The following STARD13 variants were observed in gnomAD, a reference collection of about 807,000 sequenced individuals.
STARD13 encodes the protein StAR related lipid transfer domain containing 13.
In STARD13, 62 loss-of-function variants were observed where a neutral mutation model predicts 106.4. The ratio of observed to expected loss-of-function variants is 0.58; its 90% CI spans 0.48 to 0.72. The LOEUF is 0.72. Ranked by LOEUF, STARD13 falls within the 30% of genes least tolerant of loss-of-function variation. The probability of loss-of-function intolerance (pLI) is 0.00; values close to 1 mark genes in which losing one functional copy is unlikely to be tolerated. For missense variants in STARD13, 1,387 were observed against 1,424.0 expected, an observed-to-expected ratio of 0.97 and a Z score of 0.42; for synonymous variants, 565 against 553.0, an observed-to-expected ratio of 1.02 and a Z score of -0.31.
the STARD13 span, among the ~76,000 whole-genome samples, chr13:33,623,428 T>TAAAAAAAAAAAAAA: frequency 1.7e-5 from 1 of 59,296 alleles, no homozygotes; most frequent in Non-Finnish European, 5.1e-5. Context: ...CTCAATAAAG[T>TAAAAAAAAAAAAAA]AAAAAAAAAA....
the STARD13 span, among the ~76,000 whole-genome samples, chr13:33,404,245 A>T: frequency 6.6e-6 from 1 of 152,228 alleles, no homozygotes; most frequent in African/African-American, 2.4e-5. Flanking sequence ...AGAGGTCAAA[A>T]CAGCAACTGG....
chr13:33,565,189 A>T, the STARD13 span, among the ~76,000 whole-genome samples: 1 of 146,070 alleles, frequency 6.8e-6, no homozygotes, highest in Non-Finnish European at 1.5e-5. Context: ...TTTCATGAAG[A>T]TAGAGAGTGA....
intron 1 of STARD13, chr13:33,180,370 C>G (rs1423850714): frequency 6.6e-6 from 1 of 152,162 alleles, no homozygotes; most frequent in African/African-American, 2.4e-5. Flanking sequence ...CAATCACATG[C>G]CTGATATGCG....
the STARD13 span, among the ~76,000 whole-genome samples, chr13:33,517,663 G>T: frequency 6.6e-6 from 1 of 152,140 alleles, no homozygotes; most frequent in Non-Finnish European, 1.5e-5. Context: ...TGTTTGTCTT[G>T]AAGGAAGTTC....
chr13:33,496,506 T>C, the STARD13 span, among the ~76,000 whole-genome samples: 11 of 151,948 alleles, frequency 7.2e-5, no homozygotes, highest in Non-Finnish European at 1.2e-4. Context: ...CCCTAACTTA[T>C]CATCCCACTT....
chr13:33,337,838 A>C (rs2077914285), intron 1 of STARD13, among the ~76,000 whole-genome samples: 1 of 152,242 alleles, frequency 6.6e-6, no homozygotes, highest in Non-Finnish European at 1.5e-5. Context: ...GGTCCAAGAC[A>C]GAATGAAAAT....
At chr13:33,127,653 A>G in intron 5 of STARD13, 107 bp from the exon 6 acceptor site, 1 of 1,170,142 alleles carries the variant, frequency 8.5e-7, no homozygotes. Flanking sequence ...GCAGCCGAGC[A>G]AAGAAAATCG....
the STARD13 span, among the ~76,000 whole-genome samples, chr13:33,549,721 G>T: frequency 6.6e-6 from 1 of 152,060 alleles, no homozygotes; most frequent in Non-Finnish European, 1.5e-5. Flanking sequence ...CATGACATCT[G>T]TTTCTTCCAT....
intron 1 of STARD13, among the ~76,000 whole-genome samples, chr13:33,214,550 G>A (rs570894559): frequency 2.0e-4 from 31 of 152,204 alleles, no homozygotes; most frequent in South Asian, 4.2e-4. Context: ...GAACATCCGC[G>A]CCGAGTGATA....
chr13:33,667,014 A>G, the STARD13 span, among the ~76,000 whole-genome samples: 1 of 152,232 alleles, frequency 6.6e-6, no homozygotes, highest in African/African-American at 2.4e-5. Flanking sequence ...ACCACAAATA[A>G]CCCAAGAATG....
At chr13:33,256,976 C>G (rs1009260646) in intron 1 of STARD13, among the ~76,000 whole-genome samples, 2 of 152,052 alleles carry the variant, frequency 1.3e-5, no homozygotes, top group East Asian at 3.8e-4. Flanking sequence ...GATACAAAAG[C>G]TACAAAATAA....
the STARD13 span, among the ~76,000 whole-genome samples, chr13:33,442,764 G>A: frequency 6.6e-6 from 1 of 152,104 alleles, no homozygotes; most frequent in Non-Finnish European, 1.5e-5. Flanking sequence ...CAGAGGCATA[G>A]GGGCCCTCAT....
At chr13:33,518,741 ACTT>A in the STARD13 span, among the ~76,000 whole-genome samples, 1 of 151,990 alleles carries the variant, frequency 6.6e-6, no homozygotes, top group Non-Finnish European at 1.5e-5. Flanking sequence ...AAGAACCTGA[ACTT>A]CAAGACGCTG....
At position 33,212,951 on chromosome 13, in the gene STARD13, G is replaced by A. The variant is rs561372272; in HGVS notation, c.170-45329C>T. ...TCAAACCATCATGTTTTTAGATCAA[G>A]GCAACCTACCCCTTATCTCTGCTAC... On this transcript the variant is annotated intron_variant, in intron 1 of 13. Coordinates refer to ENST00000336934, the MANE Select transcript of STARD13 (RefSeq NM_178006.4). Among the ~76,000 whole-genome samples the A allele has an allele frequency of 6.8e-4, 104 of 152,268 alleles. 2 individuals carry two copies. In the South Asian group the frequency reaches 0.021, roughly 30 times the overall value.
chr13:33,378,516 C>T, the STARD13 span, among the ~76,000 whole-genome samples: 7 of 152,156 alleles, frequency 4.6e-5, no homozygotes, highest in African/African-American at 9.7e-5. Context: ...CGTGGTCGGG[C>T]GCAGTGGCTC....
In STARD13 at chr13:33,129,924, G is replaced by C; in HGVS notation, c.753C>G (p.Pro251=). Residue 251 remains proline (P), a synonymous_variant, in exon 5 of 14, where the codon CCC becomes CCG. Transcript: ENST00000336934. The part of the protein sequence containing the change: ...NHPFHPKNEK[P]TRARAKSFLK... ...AAAATGATTTGGCCCTAGCCCTCGT[G>C]GGCTTCTCATTCTTGGGGTGGAAGG... is the stretch of plus-strand genomic sequence containing the variant. The C allele has an allele frequency of 6.2e-7, 1 of 1,613,514 alleles. No homozygotes were observed. The highest frequency in any genetic ancestry group is 8.5e-7 in the Non-Finnish European group (1 of 1,180,014).
chr13:33,565,165 TAAA>T, the STARD13 span, among the ~76,000 whole-genome samples: 4 of 146,298 alleles, frequency 2.7e-5, no homozygotes, highest in Non-Finnish European at 4.5e-5. Context: ...TATGGGAGCT[TAAA>T]AAAACGTGGA....
chr13:33,287,872 T>C (rs920688465), upstream of STARD13, among the ~76,000 whole-genome samples: 6 of 152,018 alleles, frequency 3.9e-5, no homozygotes, highest in African/African-American at 7.2e-5. Flanking sequence ...CTTGAGAACA[T>C]TGAACATGTT....
At chr13:33,360,261 A>G in the STARD13 span, among the ~76,000 whole-genome samples, 3 of 151,124 alleles carry the variant, frequency 2.0e-5, no homozygotes, top group African/African-American at 7.3e-5. Flanking sequence ...CTGTAGTGCC[A>G]TGGCGCCATC....
Sources: allele counts gnomAD v4.1 joint callset (sites outside exome capture counted in the v4.1 genomes callset), GRCh38; gene constraint gnomAD v4.1.1; transcripts MANE v1.5; gene names NCBI Gene and HGNC (gene_info 2026-07-23, HGNC 2026-07-21).